UBE3A: variants seen among roughly 807,000 people sequenced by gnomAD.
UBE3A encodes the protein ubiquitin-protein ligase E3A.
In UBE3A, 6 loss-of-function variants were observed where a neutral mutation model predicts 83.4. The observed-to-expected ratio is 0.07, with a 90% confidence interval of 0.04 to 0.14. The LOEUF (loss-of-function observed/expected upper bound fraction) is 0.14. Among genes scored for constraint, UBE3A ranks in the 10% least tolerant of loss-of-function variants. The pLI, the probability that UBE3A is intolerant of heterozygous loss-of-function variation, is 1.00. For synonymous variants in UBE3A, 337 were observed against 355.4 expected, an observed-to-expected ratio of 0.95 and a Z score of 0.58; for missense variants, 456 against 1,036.1, an observed-to-expected ratio of 0.44 and a Z score of 7.69.
intron 4 of UBE3A, among the ~76,000 whole-genome samples, chr15:25,390,595 A>T (rs1005068686): frequency 6.6e-6 from 1 of 152,204 alleles, no homozygotes; most frequent in African/African-American, 2.4e-5. Context: ...TTAGAGACAC[A>T]GTAAAAGGAT....
chr15:25,426,782 T>C (rs1891438616), intron 1 of UBE3A, among the ~76,000 whole-genome samples: 1 of 152,092 alleles, frequency 6.6e-6, no homozygotes, highest in Non-Finnish European at 1.5e-5. Context: ...GAACATTTAG[T>C]CTTCTATTAA....
At chr15:25,435,665 C>T (rs151048707) in intron 1 of UBE3A, among the ~76,000 whole-genome samples, 3 of 152,250 alleles carry the variant, frequency 2.0e-5, no homozygotes, top group Admixed American at 6.5e-5. Flanking sequence ...TTTGTTGGTA[C>T]CTTGATCTTG....
At chr15:25,417,742 T>A (rs532751684) in intron 1 of UBE3A, among the ~76,000 whole-genome samples, 1 of 151,894 alleles carries the variant, frequency 6.6e-6, no homozygotes, top group Non-Finnish European at 1.5e-5. Context: ...ATAATGAATA[T>A]GATGTTAATG....
chr15:25,368,496 C>T (rs1000704015), intron 6 of UBE3A, among the ~76,000 whole-genome samples: 15 of 152,048 alleles, frequency 9.9e-5, no homozygotes, highest in African/African-American at 3.4e-4. Flanking sequence ...AGCATCATCT[C>T]TTTCTATTTT....
intron 11 of UBE3A, among the ~76,000 whole-genome samples, chr15:25,343,128 C>CAAG (rs2075130113): frequency 1.3e-5 from 2 of 152,156 alleles, no homozygotes; most frequent in Admixed American, 6.5e-5. Context: ...CACACAATTC[C>CAAG]TCCCTGCTCC....
chr15:25,416,709 C>A (rs1415815668), intron 1 of UBE3A, among the ~76,000 whole-genome samples: 1 of 150,202 alleles, frequency 6.7e-6, no homozygotes, highest in Admixed American at 6.6e-5. Context: ...ACAAGCACAA[C>A]AGAAAGCTAA....
chr15:25,431,205 T>C (rs1488158522), intron 1 of UBE3A, among the ~76,000 whole-genome samples: 1 of 152,228 alleles, frequency 6.6e-6, no homozygotes, highest in Non-Finnish European at 1.5e-5. Flanking sequence ...TCCCACTCTG[T>C]TCTTTAAACA....
rs2073880093 is a variant in UBE3A at position 25,334,756 on chromosome 15, C to T, written c.*4381G>A. The T allele has an allele frequency of 6.6e-6, 1 of 152,140 alleles. No homozygotes were observed. Among genetic ancestry groups the T allele is most frequent in the Non-Finnish European group, 1.5e-5 (1 of 68,044 alleles). The allele number at this position is 152,140 out of a possible 1,614,324, so 9.4% of individuals were successfully genotyped here. On this transcript the variant is annotated 3_prime_UTR_variant, in exon 13 of 13. Transcript: ENST00000648336. ...ATCCAGAAAGTCTTATATTTATGGTCAACTGTTCTTTGACAAGGGTACCAG... is the reference window on the plus strand; with the variant it reads ...ATCCAGAAAGTCTTATATTTATGGTTAACTGTTCTTTGACAAGGGTACCAG...
chr15:25,378,500 G>A (rs534305788), intron 4 of UBE3A, among the ~76,000 whole-genome samples: 1 of 152,230 alleles, frequency 6.6e-6, no homozygotes, highest in South Asian at 2.1e-4. Flanking sequence ...ACACTGCGGG[G>A]CACTTTGACA....
Position 25,339,105 on chromosome 15 carries a change from C to CTTTTTTTTT in UBE3A, c.*31_*32insAAAAAAAAA. 2 of 1,440,480 alleles carry CTTTTTTTTT rather than the reference C, an allele frequency of 1.4e-6. No individual in the cohort carries two copies. The highest frequency in any genetic ancestry group is 1.5e-5 in the South Asian group (1 of 68,836). The allele number at this position is 1,440,480 out of a possible 1,614,324, so 89.2% of individuals were successfully genotyped here. ...TAAATTTTTTCTTTTTTTTTCCTTC[C>CTTTTTTTTT]TTTTTTTTGTTTTATTTTGTTTTGT... On this transcript the variant is annotated 3_prime_UTR_variant, in exon 13 of 13. Coordinates refer to ENST00000648336, the MANE Select transcript of UBE3A (RefSeq NM_130839.5).
At chr15:25,347,605 C>T (rs939849584) in intron 11 of UBE3A, among the ~76,000 whole-genome samples, 5 of 152,100 alleles carry the variant, frequency 3.3e-5, no homozygotes, top group African/African-American at 9.7e-5. Flanking sequence ...GAGGCTGAGG[C>T]GGGAGGATTG....
At chr15:25,385,702 A>G (rs1289508659) in intron 4 of UBE3A, among the ~76,000 whole-genome samples, 1 of 152,138 alleles carries the variant, frequency 6.6e-6, no homozygotes, top group Non-Finnish European at 1.5e-5. Context: ...GTGAGAGCAG[A>G]GAACAGGTGA....
intron 4 of UBE3A, among the ~76,000 whole-genome samples, chr15:25,386,434 A>C (rs186826523): frequency 1.1e-3 from 161 of 152,356 alleles, no homozygotes; most frequent in African/African-American, 3.8e-3. Flanking sequence ...TAATATGCTA[A>C]GGGCCCTAAC....
Position 25,371,634 on chromosome 15 carries a change from T to A in UBE3A, c.540A>T (p.Ala180=), listed in dbSNP as rs750036329. 6.2e-7 allele frequency: 1 copy of A among 1,614,166 alleles called. No homozygotes were observed. The highest frequency in any genetic ancestry group is 1.1e-5 in the South Asian group (1 of 91,082). The stretch of plus-strand genomic sequence containing the variant: ...CATCTTCATCTTTGTCTTCATCTTT[T>A]GCTTGAAGAGATTTCAGTTCTTCCT... ...HTKEELKSLQ[A]KDEDKDEDEK... The change falls in exon 6 of 13, where the codon GCA becomes GCT. Residue 180 remains alanine, a synonymous_variant. Coordinates refer to ENST00000648336, the MANE Select transcript of UBE3A (RefSeq NM_130839.5). This position sits in a 1 kb window ranked among gnomAD's most constrained non-coding sequence, Gnocchi z 5.3.
rs769372364 is a variant in UBE3A at position 25,354,668 on chromosome 15, A to G, written c.2140T>C (p.Tyr714His). Residue 714 changes from tyrosine (Y) to histidine (H), a missense_variant, in exon 10 of 13, where the codon TAT becomes CAT. By Grantham distance (83) the Tyr-to-His change is moderately conservative. Coordinates refer to ENST00000648336, the MANE Select transcript of UBE3A (RefSeq NM_130839.5). The part of the protein sequence containing the change: ...NENRKEFVNL[Y>H]SDYILNKSVE... ...GATTTATTGAGAATGTAGTCAGAAT[A>G]AAGATTGACAAATTCCTGTAGAAAA... 1 of 1,612,914 alleles carries G rather than the reference A, an allele frequency of 6.2e-7. No homozygotes were observed. Among genetic ancestry groups the G allele is most frequent in the Admixed American group, 1.7e-5 (1 of 59,998 alleles).
chr15:25,356,332 T>TG (rs1415736623), intron 8 of UBE3A, among the ~76,000 whole-genome samples: 1 of 115,808 alleles, frequency 8.6e-6, no homozygotes, highest in Non-Finnish European at 1.8e-5. Context: ...TGTCTCAAGG[T>TG]GGGGGTGGGG....
In UBE3A at chr15:25,409,185, A is replaced by G. The variant is rs2089402607; in HGVS notation, c.-78T>C. 7.1e-7 allele frequency: 1 copy of G among 1,405,912 alleles called. No homozygotes were observed. The highest frequency in any genetic ancestry group is 9.9e-7 in the Non-Finnish European group (1 of 1,008,492). 87.1% of individuals were successfully genotyped at this position (1,405,912 alleles called of 1,614,324 possible). On this transcript the variant is annotated 5_prime_UTR_variant, in exon 3 of 13. Coordinates refer to ENST00000648336, the MANE Select transcript of UBE3A (RefSeq NM_130839.5). ...TCACACCAGTCTAGCTGCTACCTTG[A>G]TCTGAGCGTAGGCTTAATAACTCTA... is the stretch of plus-strand genomic sequence containing the variant.
At chr15:25,339,324 T>C (rs2074331937) in intron 12 of UBE3A, 67 bp from the exon 13 acceptor site, 3 of 1,576,550 alleles carry the variant, frequency 1.9e-6, no homozygotes, top group Non-Finnish European at 2.6e-6. Flanking sequence ...TAGAATTAAA[T>C]GCTCCTATTT....
intron 2 of UBE3A, among the ~76,000 whole-genome samples, chr15:25,409,843 C>T (rs549503454): frequency 2.0e-5 from 3 of 152,220 alleles, no homozygotes; most frequent in East Asian, 1.9e-4. Context: ...CATAAACACA[C>T]ACACATAAAC....
Sources: gnomAD v4.1 joint callset for allele counts (sites outside exome capture counted in the v4.1 genomes callset) on GRCh38, gnomAD v4.1.1 for gene constraint, Gnocchi (gnomAD v3.1) non-coding constraint, MANE v1.5 for transcripts, NCBI Gene and HGNC (gene_info 2026-07-23, HGNC 2026-07-21) for gene names.